Variants in ZC3HAV1 observed in about 807,000 individuals in gnomAD.
The protein encoded by ZC3HAV1 is zinc finger CCCH-type containing, antiviral 1, also known as zinc finger CCCH-type antiviral protein 1.
A neutral mutation model predicts 86.6 loss-of-function variants in ZC3HAV1; 41 were observed. The observed-to-expected ratio is 0.47, with a 90% CI of 0.37 to 0.61. The LOEUF (loss-of-function observed/expected upper bound fraction) is 0.61, where lower values mean the gene tolerates loss of function less well. ZC3HAV1 is among the 20% of genes least tolerant of loss of function. The pLI, the probability that ZC3HAV1 is intolerant of heterozygous loss-of-function variation, is 0.00. For missense variants in ZC3HAV1, 964 were observed against 1,141.1 expected, an observed-to-expected ratio of 0.84 and a Z score of 2.24; for synonymous variants, 421 against 432.1, an observed-to-expected ratio of 0.97 and a Z score of 0.32.
chr7:139,070,156 T>C (rs568570529), intron 7 of ZC3HAV1, among the ~76,000 whole-genome samples: 6 of 152,182 alleles, frequency 3.9e-5, no homozygotes, highest in African/African-American at 1.2e-4. Flanking sequence ...GTCTTATTAG[T>C]ATGAGACAGT....
At chr7:139,102,918 C>CA (rs1331452732) in intron 1 of ZC3HAV1, among the ~76,000 whole-genome samples, 59 of 117,730 alleles carry the variant, frequency 5.0e-4, no homozygotes, top group Middle Eastern at 4.6e-3. Context: ...GATCCTGTCT[C>CA]AAAAAAAAAA....
intron 1 of ZC3HAV1, among the ~76,000 whole-genome samples, chr7:139,107,394 T>TA (rs1817967445): frequency 6.6e-6 from 1 of 152,232 alleles, no homozygotes; most frequent in Admixed American, 6.5e-5. Flanking sequence ...AAGAAATTTT[T>TA]AAAAAAATAC....
chr7:139,097,428 A>ATATTTTTTTTTT, intron 1 of ZC3HAV1, among the ~76,000 whole-genome samples: 2 of 48,160 alleles, frequency 4.2e-5, no homozygotes, highest in African/African-American at 2.3e-4. Context: ...ATATATATAT[A>ATATTTTTTTTTT]TTTTTTTTTT....
intron 1 of ZC3HAV1, among the ~76,000 whole-genome samples, chr7:139,092,670 G>A (rs538623954): frequency 6.6e-6 from 1 of 152,336 alleles, no homozygotes; most frequent in Admixed American, 6.5e-5. Context: ...AACCTCAGGT[G>A]TCCAGGCTTT....
rs1326788301 is a variant in ZC3HAV1 at position 139,065,014 on chromosome 7, AAT to A, written c.1873-17_1873-16del. ...CGTTTGTCTTTCTAATTGGAAAAAAAATAAAAGGTAAAGTCAGGGTAGGCTTT... is the reference window on the plus strand; with the variant it reads ...CGTTTGTCTTTCTAATTGGAAAAAAAAAAAGGTAAAGTCAGGGTAGGCTTT... On this transcript the variant is annotated splice_polypyrimidine_tract_variant and intron_variant, in intron 7 of 12. Transcript: ENST00000242351. The A allele has an allele frequency of 6.2e-7, 1 of 1,613,780 alleles. No homozygotes were observed.
Position 139,053,525 on chromosome 7 carries a change from G to A in ZC3HAV1, c.2375C>T (p.Ala792Val), listed in dbSNP as rs749217923. ...GKLLFYATSR[A>V]YVESICSNNF... The stretch of plus-strand genomic sequence containing the variant: ...ATTCGAACAGATAGATTCCACATAG[G>A]CACGGCTTGTCGCATAAAATAGGAG... Residue 792 changes from alanine (A) to valine (V), a missense_variant, in exon 12 of 13, where the codon GCC becomes GTC. Physicochemically the swap from Ala to Val is moderately conservative, Grantham distance 64. Transcript: ENST00000242351. 3 of 1,604,906 alleles carry A rather than the reference G, an allele frequency of 1.9e-6. No individual in the cohort carries two copies. In the African/African-American group the frequency reaches 4.0e-5, roughly 22 times the overall value.
chr7:139,064,756 G>A (rs906701788), intron 8 of ZC3HAV1, 123 bp downstream of exon 8: 17 of 1,500,632 alleles, frequency 1.1e-5, no homozygotes, highest in East Asian at 4.5e-5. Flanking sequence ...GCACTCCACC[G>A]CCTTGCTAAA....
intron 2 of ZC3HAV1, among the ~76,000 whole-genome samples, chr7:139,086,846 T>C (rs1055471122): frequency 6.6e-6 from 1 of 152,224 alleles, no homozygotes; most frequent in African/African-American, 2.4e-5. Flanking sequence ...ATGTAAGATG[T>C]TCCTGTTTTG....
At chr7:139,079,128 T>C in intron 4 of ZC3HAV1, 1 of 1,536,162 alleles carries the variant, frequency 6.5e-7, no homozygotes, top group Non-Finnish European at 8.7e-7. Context: ...GTTGTCTTCC[T>C]TGTGAGCTCG....
chr7:139,091,792 A>G (rs1817443429), intron 1 of ZC3HAV1, among the ~76,000 whole-genome samples: 3 of 152,118 alleles, frequency 2.0e-5, no homozygotes. Context: ...TCTTCTTGAT[A>G]TTGAGCTGAA....
chr7:139,071,509 T>C (rs1439179950), intron 7 of ZC3HAV1, among the ~76,000 whole-genome samples: 1 of 152,226 alleles, frequency 6.6e-6, no homozygotes, highest in Non-Finnish European at 1.5e-5. Flanking sequence ...TCAAGACCTA[T>C]AGCTTATTTT....
chr7:139,073,444 A>T (rs1816839938), intron 7 of ZC3HAV1, among the ~76,000 whole-genome samples: 3 of 152,142 alleles, frequency 2.0e-5, no homozygotes, highest in South Asian at 4.1e-4. Flanking sequence ...CTCCACGGGT[A>T]ACCATGTAGG....
intron 5 of ZC3HAV1, 126 bp downstream of exon 5, chr7:139,078,426 T>A: frequency 4.3e-6 from 3 of 696,448 alleles, no homozygotes. Context: ...ACTCCACTTC[T>A]GGGTATATAT....
chr7:139,053,948 A>T lies in ZC3HAV1; in HGVS notation c.2318+17T>A, dbSNP rs561451564. On this transcript the variant is annotated intron_variant, in intron 11 of 12. Coordinates refer to ENST00000242351, the MANE Select transcript of ZC3HAV1 (RefSeq NM_020119.4). Reference sequence around the variant, plus strand: ...TTCCGGTTTTATGTAAAGAAACACGATAACGTGGCCACCAACCATGTAAAT... The same window carrying T: ...TTCCGGTTTTATGTAAAGAAACACGTTAACGTGGCCACCAACCATGTAAAT... 2.3e-5 allele frequency: 37 copies of T among 1,599,090 alleles called. No homozygotes were observed. Among genetic ancestry groups the T allele is most frequent in the Non-Finnish European group, 3.0e-5 (35 of 1,176,748 alleles).
At chr7:139,066,927 G>A (rs781190041) in intron 7 of ZC3HAV1, among the ~76,000 whole-genome samples, 19 of 152,140 alleles carry the variant, frequency 1.2e-4, no homozygotes, top group Non-Finnish European at 2.6e-4. Context: ...TTAAAGTGCA[G>A]ATATGATTCT....
At chr7:139,094,804 G>C (rs1415199914) in intron 1 of ZC3HAV1, among the ~76,000 whole-genome samples, 1 of 151,886 alleles carries the variant, frequency 6.6e-6, no homozygotes, top group Non-Finnish European at 1.5e-5. Flanking sequence ...TGGGAGCCCG[G>C]GTGATTCCCA....
At chr7:139,064,822 G>A (rs555448764) in intron 8 of ZC3HAV1, 57 bp downstream of exon 8, 1,360 of 1,613,028 alleles carry the variant, frequency 8.4e-4, no homozygotes, top group Non-Finnish European at 1.1e-3. Context: ...CCACTCCCAC[G>A]TGTACACTGC....
chr7:139,059,738 T>C (rs974270007), intron 9 of ZC3HAV1, among the ~76,000 whole-genome samples: 5 of 152,182 alleles, frequency 3.3e-5, no homozygotes, highest in African/African-American at 1.2e-4. Flanking sequence ...AAGATAAGGC[T>C]GAAGAGATAT....
rs1457677418 is a variant in ZC3HAV1, at chr7:139,046,508, C to T, written c.*1086G>A. 2 of 152,236 alleles carry T rather than the reference C, an allele frequency of 1.3e-5. No homozygotes were observed. Among genetic ancestry groups the T allele is most frequent in the South Asian group, 2.1e-4 (1 of 4,830 alleles). 9.4% of individuals were successfully genotyped at this position (152,236 alleles called of 1,614,324 possible). A position where few individuals can be genotyped will look rare whatever the true frequency, so the allele number is the denominator to read the frequency against. ...ATATTAATTAGAACATAAATGTCTACTTTGCCATAATTATACAAAGAGCCC... is the reference window on the plus strand; with the variant it reads ...ATATTAATTAGAACATAAATGTCTATTTTGCCATAATTATACAAAGAGCCC... On this transcript the variant is annotated 3_prime_UTR_variant, in exon 13 of 13. Coordinates refer to ENST00000242351, the MANE Select transcript of ZC3HAV1 (RefSeq NM_020119.4).
Sources: gnomAD v4.1 joint callset for allele counts (sites outside exome capture counted in the v4.1 genomes callset) on GRCh38, gnomAD v4.1.1 for gene constraint, MANE v1.5 for transcripts, NCBI Gene and HGNC (gene_info 2026-07-23, HGNC 2026-07-21) for gene names.